APLF: variants seen among roughly 807,000 people sequenced by gnomAD.
APLF encodes the protein aprataxin and PNKP like factor, also known as aprataxin and PNK-like factor.
In APLF, 61 loss-of-function variants were observed where a neutral mutation model predicts 55.6. The ratio of observed to expected loss-of-function variants is 1.10; its 90% confidence interval spans 0.89 to 1.36. APLF has a LOEUF of 1.36. Ranked by LOEUF, APLF falls within the 40% of genes most tolerant of loss-of-function variation. The pLI is 0.00. For synonymous variants in APLF, 207 were observed against 214.8 expected (o/e 0.96, Z 0.32); for missense variants, 611 against 602.5 (o/e 1.01, Z -0.15).
In APLF at chr2:68,529,207, G is replaced by A. The variant is rs1308492769; in HGVS notation, c.804+2965G>A. ...CAGGAGGCAGGACCCTCTGTGGGGT[G>A]CCCGTGTTCCAAGGGATAAGACACA... is the stretch of plus-strand genomic sequence containing the variant. On this transcript the variant is annotated intron_variant, in intron 6 of 9. Coordinates refer to ENST00000303795, the MANE Select transcript of APLF (RefSeq NM_173545.3). This position sits in a 1 kb window ranked among gnomAD's most constrained non-coding sequence, Gnocchi z 4.4. 2 of 1,247,762 alleles carry A rather than the reference G, an allele frequency of 1.6e-6. No homozygotes were observed. The highest frequency in any genetic ancestry group is 2.6e-5 in the Admixed American group (1 of 37,842). 77.3% of individuals were successfully genotyped at this position (1,247,762 alleles called of 1,614,324 possible).
At chr2:68,519,017 AAT>A (rs1254262735) in intron 5 of APLF, among the ~76,000 whole-genome samples, 16 of 112,618 alleles carry the variant, frequency 1.4e-4, no homozygotes, top group Non-Finnish European at 2.3e-4. Flanking sequence ...AATATATAAT[AAT>A]ATATAATATA....
chr2:68,551,180 C>G (rs959861648), intron 8 of APLF, among the ~76,000 whole-genome samples: 3 of 152,066 alleles, frequency 2.0e-5, no homozygotes, highest in Non-Finnish European at 4.4e-5. Flanking sequence ...TGGACTCTTG[C>G]ATCCATAGTT....
intron 9 of APLF, among the ~76,000 whole-genome samples, chr2:68,568,539 A>G (rs181771893): frequency 7.9e-5 from 12 of 152,252 alleles, no homozygotes; most frequent in Admixed American, 5.2e-4. Context: ...TGTGGCAGTT[A>G]TGGTAGTTTA....
chr2:68,537,773 T>G lies in APLF; in HGVS notation c.805-99T>G, dbSNP rs1461414410. ...AAAATGTGAATCTTGAAGTTTTAAG[T>G]TTACATTTTGCATGGATCTTGTAGT... On this transcript the variant is annotated intron_variant, in intron 6 of 9. Coordinates refer to ENST00000303795, the MANE Select transcript of APLF (RefSeq NM_173545.3). 1.2e-5 allele frequency: 10 copies of G among 860,436 alleles called. No individual in the cohort carries two copies. The Admixed American group carries it at 3.3e-4, about 28-fold the overall frequency. The allele number at this position is 860,436 out of a possible 1,614,324, so 53.3% of individuals were successfully genotyped here.
intron 7 of APLF, among the ~76,000 whole-genome samples, chr2:68,544,689 G>A (rs1670651168): frequency 6.6e-6 from 1 of 152,132 alleles, no homozygotes; most frequent in South Asian, 2.1e-4. Context: ...AGACCGAAAA[G>A]TTTGAAAAAC....
intron 6 of APLF, chr2:68,528,411 G>T: frequency 6.5e-7 from 1 of 1,534,474 alleles, no homozygotes; most frequent in Non-Finnish European, 8.7e-7. Context: ...AGCTTAGCCG[G>T]TGGGGGCCTC....
intron 1 of APLF, among the ~76,000 whole-genome samples, chr2:68,468,290 T>C (rs1183469928): frequency 6.6e-6 from 1 of 152,246 alleles, no homozygotes; most frequent in Non-Finnish European, 1.5e-5. Context: ...ATATTACGTC[T>C]TCTAGGCTAA....
chr2:68,530,194 C>T (rs202080320), intron 6 of APLF, among the ~76,000 whole-genome samples: 207 of 144,768 alleles, frequency 1.4e-3, no homozygotes, highest in Middle Eastern at 7.0e-3. Flanking sequence ...CCACAGCTGG[C>T]GCTCTGGCCT....
intron 1 of APLF, among the ~76,000 whole-genome samples, chr2:68,474,832 C>A (rs1459762410): frequency 6.6e-6 from 1 of 152,140 alleles, no homozygotes; most frequent in Non-Finnish European, 1.5e-5. Context: ...CCACAACCGG[C>A]TGATTTTGTA....
intron 8 of APLF, among the ~76,000 whole-genome samples, chr2:68,566,557 G>C (rs1268395624): frequency 6.6e-6 from 1 of 152,122 alleles, no homozygotes; most frequent in East Asian, 1.9e-4. Flanking sequence ...ATATTCGAAA[G>C]TTGTCACCTC....
chr2:68,529,216 C>G lies in APLF; in HGVS notation c.804+2974C>G, dbSNP rs1394923934. On this transcript the variant is annotated intron_variant, in intron 6 of 9. Transcript: ENST00000303795. This position sits in a 1 kb window ranked among gnomAD's most constrained non-coding sequence, Gnocchi z 4.4. ...GGACCCTCTGTGGGGTGCCCGTGTT[C>G]CAAGGGATAAGACACAGCCTCATAA... 1 of 1,253,880 alleles carries G rather than the reference C, an allele frequency of 8.0e-7. No individual in the cohort carries two copies. The highest frequency in any genetic ancestry group is 1.1e-6 in the Non-Finnish European group (1 of 928,530). 77.7% of individuals were successfully genotyped at this position (1,253,880 alleles called of 1,614,324 possible).
At chr2:68,508,163 A>C (rs1676931282) in intron 3 of APLF, among the ~76,000 whole-genome samples, 1 of 151,886 alleles carries the variant, frequency 6.6e-6, no homozygotes, top group South Asian at 2.1e-4. Context: ...TGCCAAAACA[A>C]TCTTAGAAAA....
chr2:68,552,234 T>C (rs1049242741), intron 8 of APLF, among the ~76,000 whole-genome samples: 3 of 152,140 alleles, frequency 2.0e-5, no homozygotes, highest in African/African-American at 7.2e-5. Context: ...ATTGCCTTTT[T>C]TGAAATTTCA....
chr2:68,467,647 G>A lies in APLF; in HGVS notation c.-85G>A. The stretch of plus-strand genomic sequence containing the variant: ...CTCCCTCGGTGTTTTTTCCCAGGGC[G>A]TGGGCTTGCCCCGCGCGTGTCTGTG... On this transcript the variant is annotated 5_prime_UTR_variant, in exon 1 of 10. In the 5' UTR this introduces an upstream ATG that the reference lacks. Transcript: ENST00000303795. 4 of 1,129,618 alleles carry A rather than the reference G, an allele frequency of 3.5e-6. No individual in the cohort carries two copies. Among genetic ancestry groups the A allele is most frequent in the Non-Finnish European group, 4.5e-6 (4 of 892,676 alleles). The allele number at this position is 1,129,618 out of a possible 1,614,324, so 70.0% of individuals were successfully genotyped here. A position where few individuals can be genotyped will look rare whatever the true frequency, so the allele number is the denominator to read the frequency against.
chr2:68,537,096 C>T (rs1441720704), intron 6 of APLF, among the ~76,000 whole-genome samples: 6 of 149,716 alleles, frequency 4.0e-5, no homozygotes, highest in Non-Finnish European at 7.4e-5. Context: ...ACCTGGGAGG[C>T]GGAGGTTGCA....
At chr2:68,468,535 A>G (rs1675506955) in intron 1 of APLF, among the ~76,000 whole-genome samples, 1 of 152,208 alleles carries the variant, frequency 6.6e-6, no homozygotes, top group Non-Finnish European at 1.5e-5. Context: ...CCATACATAC[A>G]TTATTTAAAG....
chr2:68,496,446 G>A (rs1676549977), intron 2 of APLF, among the ~76,000 whole-genome samples: 1 of 152,020 alleles, frequency 6.6e-6, no homozygotes, highest in African/African-American at 2.4e-5. Flanking sequence ...CTAGCAAGTG[G>A]TTGCTTCACA....
At position 68,574,233 on chromosome 2, in the gene APLF, A is replaced by G. The variant is rs370018398; in HGVS notation, c.1334-3587A>G. Among the ~76,000 whole-genome samples, 5 of 152,288 alleles carry G rather than the reference A, an allele frequency of 3.3e-5. No homozygotes were observed. In the East Asian group the frequency reaches 5.8e-4, roughly 18 times the overall value. ...TTGGCCCAGTTACACTGAAAGGCAG[A>G]ATTGGATATTTCTCTAAAAACACCT... On this transcript the variant is annotated intron_variant, in intron 9 of 9. Coordinates refer to ENST00000303795, the MANE Select transcript of APLF (RefSeq NM_173545.3).
intron 8 of APLF, among the ~76,000 whole-genome samples, chr2:68,557,770 G>T (rs1185214518): frequency 6.6e-6 from 1 of 152,078 alleles, no homozygotes; most frequent in Non-Finnish European, 1.5e-5. Flanking sequence ...AAATTAGTTG[G>T]TGTGGTGATG....
Sources: allele counts gnomAD v4.1 joint callset (sites outside exome capture counted in the v4.1 genomes callset), GRCh38; gene constraint gnomAD v4.1.1; non-coding constraint Gnocchi (gnomAD v3.1); transcripts MANE v1.5; gene names NCBI Gene and HGNC (gene_info 2026-07-23, HGNC 2026-07-21).